IGSF11: variants seen among roughly 807,000 people sequenced by gnomAD.
The protein encoded by IGSF11 is immunoglobulin superfamily member 11.
A neutral mutation model predicts 41.0 loss-of-function variants in IGSF11; 22 were observed. The ratio of observed to expected loss-of-function variants is 0.54; its 90% CI spans 0.38 to 0.77. The LOEUF is 0.77. IGSF11 is among the 30% of genes least tolerant of loss of function. The probability of loss-of-function intolerance (pLI) is 0.00; values close to 1 mark genes in which losing one functional copy is unlikely to be tolerated. For missense variants in IGSF11, 444 were observed against 530.8 expected (o/e 0.84, Z 1.61); for synonymous variants, 219 against 201.3 (o/e 1.09, Z -0.74).
chr3:118,931,148 G>T lies in IGSF11; in HGVS notation c.53-873C>A, dbSNP rs547184921. On this transcript the variant is annotated intron_variant, in intron 1 of 6. Coordinates refer to ENST00000393775, the MANE Select transcript of IGSF11 (RefSeq NM_001015887.3). ...AAAAATAGTCTTTTCAACAAATGGT[G>T]CTGGGATAATTTGATAGTAATATGC... is the stretch of plus-strand genomic sequence containing the variant. Among the ~76,000 whole-genome samples, 5 of 152,258 alleles carry T rather than the reference G, an allele frequency of 3.3e-5. No individual in the cohort carries two copies. The East Asian group carries it at 5.8e-4, about 18-fold the overall frequency.
chr3:119,129,760 G>A (rs1353793774), intron 1 of IGSF11, among the ~76,000 whole-genome samples: 1 of 152,174 alleles, frequency 6.6e-6, no homozygotes, highest in Non-Finnish European at 1.5e-5. Flanking sequence ...CAAGATAGGT[G>A]GATCATTTGA....
chr3:119,133,612 C>T (rs146752553), intron 1 of IGSF11, among the ~76,000 whole-genome samples: 35,550 of 152,030 alleles, frequency 0.23, 5,076 homozygotes, highest in Middle Eastern at 0.38. Flanking sequence ...CAGGACCAGA[C>T]GGATTCACAG....
chr3:118,985,846 T>G (rs1192900306), intron 1 of IGSF11, among the ~76,000 whole-genome samples: 1 of 152,154 alleles, frequency 6.6e-6, no homozygotes, highest in Non-Finnish European at 1.5e-5. Context: ...TCCCTTGTCT[T>G]CCTGAGCACC....
chr3:118,971,596 G>T (rs35873), intron 1 of IGSF11, among the ~76,000 whole-genome samples: 5 of 152,012 alleles, frequency 3.3e-5, no homozygotes, highest in Non-Finnish European at 4.4e-5. Flanking sequence ...CGAGGTCAGG[G>T]GTTCAAGACC....
intron 1 of IGSF11, among the ~76,000 whole-genome samples, chr3:118,986,700 C>T (rs1029087957): frequency 1.3e-5 from 2 of 152,190 alleles, no homozygotes; most frequent in Middle Eastern, 3.4e-3. Flanking sequence ...TAAACCCTTC[C>T]AGGATTTTCT....
At chr3:118,972,567 T>G (rs1197612272) in intron 1 of IGSF11, among the ~76,000 whole-genome samples, 2 of 152,164 alleles carry the variant, frequency 1.3e-5, no homozygotes, top group Non-Finnish European at 2.9e-5. Context: ...AATTCTGACA[T>G]CCTATTAATT....
intron 1 of IGSF11, among the ~76,000 whole-genome samples, chr3:118,946,191 T>TACAC (rs1261368316): frequency 2.0e-5 from 3 of 147,162 alleles, no homozygotes; most frequent in Admixed American, 7.1e-5. Context: ...AACCATTGGC[T>TACAC]ACACACACAC....
intron 1 of IGSF11, among the ~76,000 whole-genome samples, chr3:118,979,649 G>C (rs1214251544): frequency 6.6e-6 from 1 of 152,090 alleles, no homozygotes; most frequent in Non-Finnish European, 1.5e-5. Flanking sequence ...GACCTAAAAA[G>C]CACAGGCAAC....
chr3:119,087,126 T>C (rs184155478), intron 1 of IGSF11, among the ~76,000 whole-genome samples: 1 of 152,198 alleles, frequency 6.6e-6, no homozygotes, highest in East Asian at 1.9e-4. Context: ...AAAACAGACT[T>C]TAAAGCAATA....
intron 1 of IGSF11, 112 bp downstream of exon 1, chr3:119,034,419 A>C: frequency 1.9e-6 from 2 of 1,077,202 alleles, no homozygotes; most frequent in Non-Finnish European, 1.2e-6. Flanking sequence ...AGAAAGTTGG[A>C]CTCCCGACCC....
At chr3:119,048,552 T>A (rs570838527) in intron 1 of IGSF11, among the ~76,000 whole-genome samples, 1 of 152,088 alleles carries the variant, frequency 6.6e-6, no homozygotes, top group Non-Finnish European at 1.5e-5. Flanking sequence ...ATTCACAGCC[T>A]AATTCTACCA....
rs186260505 is a variant in IGSF11, at chr3:119,089,749, G to A, written c.49+15395C>T. Among the ~76,000 whole-genome samples, 190 of 152,318 alleles carry A rather than the reference G, an allele frequency of 1.2e-3. 3 individuals carry two copies. Among genetic ancestry groups the A allele is most frequent in the Admixed American group, 5.9e-4 (9 of 15,286 alleles). Reference sequence around the variant, plus strand: ...GCTTCAAGACACAAAATCAGGCTGGGCACAATGGCTCACACCTGTAATCTC... The same window carrying A: ...GCTTCAAGACACAAAATCAGGCTGGACACAATGGCTCACACCTGTAATCTC... On this transcript the variant is annotated intron_variant, in intron 1 of 6. Coordinates refer to the IGSF11 transcript ENST00000354673.
At chr3:119,127,280 A>G (rs1375410833) in intron 1 of IGSF11, among the ~76,000 whole-genome samples, 1 of 151,994 alleles carries the variant, frequency 6.6e-6, no homozygotes, top group South Asian at 2.1e-4. Flanking sequence ...AAAGGATATC[A>G]GTGTGAAGAC....
intron 1 of IGSF11, among the ~76,000 whole-genome samples, chr3:119,135,007 A>G (rs1250602984): frequency 2.0e-5 from 3 of 152,234 alleles, no homozygotes; most frequent in African/African-American, 7.2e-5. Context: ...CTAGCTAGCC[A>G]TATGTAGAAA....
intron 1 of IGSF11, among the ~76,000 whole-genome samples, chr3:118,994,873 G>A (rs1009564417): frequency 4.6e-5 from 7 of 152,262 alleles, no homozygotes; most frequent in Admixed American, 4.6e-4. Context: ...ACCTGAGCAG[G>A]GCTTTAAAGG....
chr3:119,130,188 C>T (rs1445175616), intron 1 of IGSF11, among the ~76,000 whole-genome samples: 4 of 152,100 alleles, frequency 2.6e-5, no homozygotes, highest in Non-Finnish European at 4.4e-5. Context: ...ATACCTGGTT[C>T]GTCTCACTGG....
intron 1 of IGSF11, among the ~76,000 whole-genome samples, chr3:118,944,102 G>A (rs543834470): frequency 1.4e-4 from 21 of 152,046 alleles, no homozygotes; most frequent in Non-Finnish European, 8.8e-5. Context: ...AATTTTTCTT[G>A]ATTTTTAGAT....
At chr3:118,950,434 C>G (rs994949714) in intron 1 of IGSF11, among the ~76,000 whole-genome samples, 3 of 152,072 alleles carry the variant, frequency 2.0e-5, no homozygotes, top group Non-Finnish European at 2.9e-5. Context: ...CGAGATACAA[C>G]AGTATTATGA....
chr3:118,941,429 C>T (rs777948644), intron 1 of IGSF11, among the ~76,000 whole-genome samples: 3 of 151,966 alleles, frequency 2.0e-5, no homozygotes, highest in Non-Finnish European at 4.4e-5. Flanking sequence ...TGAGATAATA[C>T]AAAACATCAA....
Sources: allele counts gnomAD v4.1 joint callset (sites outside exome capture counted in the v4.1 genomes callset), GRCh38; gene constraint gnomAD v4.1.1; transcripts MANE v1.5; gene names NCBI Gene and HGNC (gene_info 2026-07-23, HGNC 2026-07-21).